The following LINGO2 variants were observed in gnomAD, a reference collection of about 807,000 sequenced individuals.
LINGO2 encodes leucine-rich repeat and immunoglobulin-like domain-containing nogo receptor-interacting protein 2.
A neutral mutation model predicts 30.6 loss-of-function variants in LINGO2; 14 were observed. The ratio of observed to expected loss-of-function variants is 0.46; its 90% CI spans 0.30 to 0.72. The LOEUF is 0.72. LINGO2 is among the 30% of genes least tolerant of loss of function. The pLI is 0.07. For synonymous variants in LINGO2, 317 were observed against 288.5 expected (o/e 1.10, Z -1.00); for missense variants, 729 against 751.7 (o/e 0.97, Z 0.35).
the LINGO2 span, among the ~76,000 whole-genome samples, chr9:28,994,621 C>T: frequency 6.6e-6 from 1 of 151,334 alleles, no homozygotes; most frequent in African/African-American, 2.4e-5. Context: ...TCAAACTATA[C>T]TACAAGGCTA....
At chr9:29,077,354 G>A in the LINGO2 span, among the ~76,000 whole-genome samples, 1 of 152,058 alleles carries the variant, frequency 6.6e-6, no homozygotes, top group African/African-American at 2.4e-5. Context: ...TTTGAAATGT[G>A]CTGCATGCAA....
chr9:28,927,435 T>C, the LINGO2 span, among the ~76,000 whole-genome samples: 1 of 152,174 alleles, frequency 6.6e-6, no homozygotes, highest in African/African-American at 2.4e-5. Flanking sequence ...ATGTAATATC[T>C]ACTCCTTAGA....
At chr9:28,144,532 T>C (rs1827760422) in intron 4 of LINGO2, among the ~76,000 whole-genome samples, 1 of 152,224 alleles carries the variant, frequency 6.6e-6, no homozygotes, top group Admixed American at 6.5e-5. Context: ...GTTAAGAGTT[T>C]CAATCTGTAA....
chr9:28,561,780 T>A lies in LINGO2; in HGVS notation c.-364-85755A>T, dbSNP rs1455450303. 3.9e-4 allele frequency among the ~76,000 whole-genome samples: 42 copies of A among 107,608 alleles called. 4 individuals carry two copies. The highest frequency in any genetic ancestry group is 8.8e-4 in the East Asian group (4 of 4,526). The allele number at this position is 107,608 out of a possible 152,430, so 70.6% of individuals were successfully genotyped here. A position where few individuals can be genotyped will look rare whatever the true frequency, so the allele number is the denominator to read the frequency against. ...ATATATATATATATATATATATATA[T>A]AAAAAATATGCTACTAGAACTGAAA... On this transcript the variant is annotated intron_variant, in intron 1 of 5. Transcript: ENST00000379992.
the LINGO2 span, among the ~76,000 whole-genome samples, chr9:28,862,076 T>C: frequency 6.6e-6 from 1 of 152,102 alleles, no homozygotes; most frequent in African/African-American, 2.4e-5. Flanking sequence ...AGGTGCCCCC[T>C]TTCATAAAAC....
Position 28,490,620 on chromosome 9 carries a change from G to C in LINGO2, c.-364-14595C>G, listed in dbSNP as rs563989458. Among the ~76,000 whole-genome samples the C allele has an allele frequency of 4.3e-4, 66 of 152,242 alleles. No homozygotes were observed. In the Middle Eastern group the frequency reaches 0.024, roughly 55 times the overall value. The stretch of plus-strand genomic sequence containing the variant: ...ATTAATTTAGTTTACTTATGTATAA[G>C]ACAATAGAAACATAAACTCAGATTA... On this transcript the variant is annotated intron_variant, in intron 1 of 5. Transcript: ENST00000379992.
chr9:28,384,961 GT>G (rs1338782917), intron 2 of LINGO2, among the ~76,000 whole-genome samples: 1 of 152,006 alleles, frequency 6.6e-6, no homozygotes, highest in African/African-American at 2.4e-5. Context: ...AAAATCTAAG[GT>G]TAATTTGATT....
At chr9:28,816,407 G>A in the LINGO2 span, among the ~76,000 whole-genome samples, 1 of 152,120 alleles carries the variant, frequency 6.6e-6, no homozygotes, top group Non-Finnish European at 1.5e-5. Flanking sequence ...AAGAGTAATT[G>A]CTATTTTTTA....
At chr9:28,868,826 G>C in the LINGO2 span, among the ~76,000 whole-genome samples, 3 of 152,012 alleles carry the variant, frequency 2.0e-5, no homozygotes, top group Non-Finnish European at 2.9e-5. Context: ...ATTAAGCTTA[G>C]CACTGTGGTT....
At chr9:28,235,528 G>C (rs1156792968) in intron 4 of LINGO2, among the ~76,000 whole-genome samples, 1 of 152,126 alleles carries the variant, frequency 6.6e-6, no homozygotes. Flanking sequence ...GAGAAACAGA[G>C]ATATGTAACC....
chr9:28,649,676 A>G (rs1827999667), intron 1 of LINGO2, among the ~76,000 whole-genome samples: 1 of 152,124 alleles, frequency 6.6e-6, no homozygotes, highest in Non-Finnish European at 1.5e-5. Context: ...AAAAGCTTGG[A>G]AACACTGGAC....
chr9:27,949,268 C>A, exon 6 of LINGO2: 1 of 1,614,034 alleles, frequency 6.2e-7, no homozygotes, highest in Non-Finnish European at 8.5e-7. Context: ...AGCGGATTTC[C>A]AAGGTGCCAT....
the LINGO2 span, among the ~76,000 whole-genome samples, chr9:29,048,811 A>T: frequency 6.6e-6 from 1 of 152,342 alleles, no homozygotes; most frequent in East Asian, 1.9e-4. Context: ...TACAAAAATC[A>T]AATCAAAATG....
chr9:29,072,321 T>A, the LINGO2 span, among the ~76,000 whole-genome samples: 2 of 151,884 alleles, frequency 1.3e-5, no homozygotes, highest in African/African-American at 2.4e-5. Flanking sequence ...TTAATACATA[T>A]AAATAGAACG....
chr9:28,040,924 A>G (rs1478659262), intron 4 of LINGO2, among the ~76,000 whole-genome samples: 1 of 152,146 alleles, frequency 6.6e-6, no homozygotes, highest in African/African-American at 2.4e-5. Context: ...AGAGGAATTG[A>G]CCTATAGTAT....
intron 3 of LINGO2, among the ~76,000 whole-genome samples, chr9:28,303,357 T>G (rs755618775): frequency 6.6e-6 from 1 of 152,130 alleles, no homozygotes; most frequent in Non-Finnish European, 1.5e-5. Flanking sequence ...AGCCTGGGAA[T>G]GAGAGGGGCT....
At chr9:28,632,879 TGTAGAGAGAGAGAGAGAGAG>T (rs1827063731) in intron 1 of LINGO2, among the ~76,000 whole-genome samples, 3 of 80,864 alleles carry the variant, frequency 3.7e-5, no homozygotes, top group African/African-American at 1.6e-4. Context: ...TATATATATA[TGTAGAGAGAGAGAGAGAGAG>T]AGAGAGAGAG....
At chr9:28,512,407 T>A (rs1476130173) in intron 1 of LINGO2, among the ~76,000 whole-genome samples, 1 of 151,466 alleles carries the variant, frequency 6.6e-6, no homozygotes, top group Non-Finnish European at 1.5e-5. Flanking sequence ...CCAAACAGCA[T>A]CCCTATCTGC....
At chr9:28,423,012 G>C (rs1431888484) in intron 2 of LINGO2, among the ~76,000 whole-genome samples, 1 of 151,994 alleles carries the variant, frequency 6.6e-6, no homozygotes, top group East Asian at 1.9e-4. Context: ...TGGTTGCCAG[G>C]GGCTGGGAGG....
Sources: gnomAD v4.1 joint callset for allele counts (sites outside exome capture counted in the v4.1 genomes callset) on GRCh38, gnomAD v4.1.1 for gene constraint, MANE v1.5 for transcripts, NCBI Gene and HGNC (gene_info 2026-07-23, HGNC 2026-07-21) for gene names.